CTNNA2: variants seen among roughly 807,000 people sequenced by gnomAD.
CTNNA2 encodes catenin alpha-2.
Under a neutral mutation model 101.0 loss-of-function variants are expected in CTNNA2, and 42 were observed. The ratio of observed to expected loss-of-function variants is 0.42; its 90% CI spans 0.32 to 0.54. The LOEUF (loss-of-function observed/expected upper bound fraction) is 0.54, where lower values mean the gene tolerates loss of function less well. CTNNA2 is among the 20% of genes least tolerant of loss of function. The pLI is 0.14. For synonymous variants in CTNNA2, 450 were observed against 456.4 expected (o/e 0.99, Z 0.18); for missense variants, 871 against 1,223.1 (o/e 0.71, Z 4.29).
chr2:79,630,567 C>T (rs1309813537), intron 1 of CTNNA2, among the ~76,000 whole-genome samples: 8 of 152,122 alleles, frequency 5.3e-5, no homozygotes, highest in Admixed American at 4.6e-4. Flanking sequence ...TAATGTAAGA[C>T]ACAGAAACAA....
chr2:80,335,521 G>A (rs1039742121), intron 7 of CTNNA2, among the ~76,000 whole-genome samples: 1 of 152,024 alleles, frequency 6.6e-6, no homozygotes, highest in Non-Finnish European at 1.5e-5. Context: ...AAAATAGTTT[G>A]GGTAGAGCAC....
At chr2:79,721,577 CCTTA>C (rs1573786658) in intron 2 of CTNNA2, among the ~76,000 whole-genome samples, 1 of 152,188 alleles carries the variant, frequency 6.6e-6, no homozygotes, top group East Asian at 1.9e-4. Context: ...ACCTACTTTG[CCTTA>C]CTGTTTATAA....
chr2:79,817,888 A>G (rs1024211022), intron 3 of CTNNA2, among the ~76,000 whole-genome samples: 7 of 152,190 alleles, frequency 4.6e-5, no homozygotes, highest in Non-Finnish European at 8.8e-5. Flanking sequence ...ATTATATTGC[A>G]CCATCGATGT....
chr2:80,485,791 G>C (rs1325520524), intron 9 of CTNNA2, among the ~76,000 whole-genome samples: 1 of 152,150 alleles, frequency 6.6e-6, no homozygotes, highest in Non-Finnish European at 1.5e-5. Context: ...CACAGATTTG[G>C]ATGAAGCAAT....
intron 4 of CTNNA2, among the ~76,000 whole-genome samples, chr2:79,375,986 A>G (rs996318675): frequency 6.6e-6 from 1 of 152,206 alleles, no homozygotes; most frequent in Non-Finnish European, 1.5e-5. Flanking sequence ...ACCAAGAGAA[A>G]CCACAAGAAT....
intron 4 of CTNNA2, among the ~76,000 whole-genome samples, chr2:79,503,448 G>T (rs1671347336): frequency 6.6e-6 from 1 of 152,200 alleles, no homozygotes; most frequent in East Asian, 1.9e-4. Context: ...TCTGACCAAA[G>T]AACTTATTAC....
At chr2:79,434,709 G>A in intron 4 of CTNNA2, among the ~76,000 whole-genome samples, 1 of 152,152 alleles carries the variant, frequency 6.6e-6, no homozygotes, top group South Asian at 2.1e-4. Flanking sequence ...ATCAAACAAG[G>A]GAGGGTCTAC....
chr2:80,580,282 G>A (rs948505205), intron 13 of CTNNA2, among the ~76,000 whole-genome samples: 2 of 152,122 alleles, frequency 1.3e-5, no homozygotes, highest in Non-Finnish European at 2.9e-5. Flanking sequence ...CATTGAAGAT[G>A]GAAAGGTGTT....
intron 7 of CTNNA2, among the ~76,000 whole-genome samples, chr2:80,041,071 G>GA (rs1696020241): frequency 6.6e-6 from 1 of 151,840 alleles, no homozygotes; most frequent in African/African-American, 2.4e-5. Flanking sequence ...TTTATAAAAT[G>GA]AAAAAATATA....
intron 18 of CTNNA2, among the ~76,000 whole-genome samples, chr2:80,639,519 G>GTGTGTA (rs373976303): frequency 0.067 from 7,725 of 115,356 alleles, 211 homozygotes; most frequent in Middle Eastern, 0.088. Context: ...CTTGATGTGT[G>GTGTGTA]TGTGTGTGTG....
intron 7 of CTNNA2, among the ~76,000 whole-genome samples, chr2:80,103,654 T>G (rs1700691506): frequency 6.6e-6 from 1 of 152,182 alleles, no homozygotes; most frequent in Non-Finnish European, 1.5e-5. Context: ...ATTTTCATGG[T>G]GTGTGCACAC....
At chr2:79,342,067 G>A (rs1429844719) in intron 3 of CTNNA2, among the ~76,000 whole-genome samples, 3 of 152,240 alleles carry the variant, frequency 2.0e-5, no homozygotes, top group Middle Eastern at 3.4e-3. Flanking sequence ...ATAAACTGGG[G>A]CAGAGCAAGT....
intron 7 of CTNNA2, among the ~76,000 whole-genome samples, chr2:80,228,492 A>G (rs1709018485): frequency 6.6e-6 from 1 of 152,210 alleles, no homozygotes; most frequent in South Asian, 2.1e-4. Context: ...GTTTCAACAT[A>G]TGAATCTGAT....
chr2:79,405,321 T>C (rs1678330007), intron 4 of CTNNA2, among the ~76,000 whole-genome samples: 1 of 151,860 alleles, frequency 6.6e-6, no homozygotes, highest in African/African-American at 2.4e-5. Flanking sequence ...TGACAATTTG[T>C]TTTTATTTTT....
intron 7 of CTNNA2, among the ~76,000 whole-genome samples, chr2:80,066,752 A>T (rs1008459044): frequency 6.6e-6 from 1 of 152,212 alleles, no homozygotes; most frequent in African/African-American, 2.4e-5. Context: ...TCCAAAGTAA[A>T]TGAAATCAGT....
intron 7 of CTNNA2, among the ~76,000 whole-genome samples, chr2:79,986,895 C>G (rs1241531781): frequency 1.3e-5 from 2 of 152,128 alleles, no homozygotes; most frequent in East Asian, 3.9e-4. Context: ...TAATTTAATC[C>G]AGAATGTAAC....
intron 7 of CTNNA2, among the ~76,000 whole-genome samples, chr2:80,044,044 G>A (rs529713620): frequency 4.6e-5 from 7 of 152,260 alleles, no homozygotes; most frequent in African/African-American, 1.4e-4. Context: ...TACTTCAAAT[G>A]TTCATGCATT....
At chr2:79,260,397 A>G (rs994117370) in intron 2 of CTNNA2, among the ~76,000 whole-genome samples, 4 of 152,272 alleles carry the variant, frequency 2.6e-5, no homozygotes, top group African/African-American at 9.6e-5. Flanking sequence ...TCTGTTTGCT[A>G]GATATGTCTC....
intron 7 of CTNNA2, among the ~76,000 whole-genome samples, chr2:80,194,717 C>T (rs2149003876): frequency 6.7e-6 from 1 of 150,052 alleles, no homozygotes; most frequent in East Asian, 1.9e-4. Flanking sequence ...ACCCGTGTGT[C>T]ACTATACATA....
Sources: gnomAD v4.1 joint callset for allele counts (sites outside exome capture counted in the v4.1 genomes callset) on GRCh38, gnomAD v4.1.1 for gene constraint, MANE v1.5 for transcripts, NCBI Gene and HGNC (gene_info 2026-07-23, HGNC 2026-07-21) for gene names.